CRACD: variants seen among roughly 807,000 people sequenced by gnomAD.
CRACD encodes the protein capping protein-inhibiting regulator of actin dynamics.
A neutral mutation model predicts 106.8 loss-of-function variants in CRACD; 56 were observed. The ratio of observed to expected loss-of-function variants is 0.52; its 90% CI spans 0.42 to 0.66. The LOEUF (loss-of-function observed/expected upper bound fraction) is 0.66, where lower values mean the gene tolerates loss of function less well. Among genes scored for constraint, CRACD ranks in the 30% least tolerant of loss-of-function variants. CRACD has a pLI of 0.00. For missense variants in CRACD, 1,730 were observed against 1,623.2 expected, an observed-to-expected ratio of 1.07 and a Z score of -1.13; for synonymous variants, 754 against 670.8, an observed-to-expected ratio of 1.12 and a Z score of -1.92.
chr4:56,316,598 G>A lies in CRACD; in HGVS notation c.3096G>A (p.Glu1032=), dbSNP rs1182123091. 1.2e-6 allele frequency: 2 copies of A among 1,613,430 alleles called. No individual in the cohort carries two copies. The highest frequency in any genetic ancestry group is 1.7e-6 in the Non-Finnish European group (2 of 1,179,848). Residue 1032 remains glutamate (E), a synonymous_variant, in exon 8 of 11, where the codon GAG becomes GAA. Transcript: ENST00000682029. ...EERKGQKRDE[E]EEATERKPAS... is the part of the protein sequence containing the mutation. Reference sequence around the variant, plus strand: ...GGAAGGGACAGAAGAGGGACGAGGAGGAAGAGGCGACAGAGAGGAAACCTG... The same window carrying A: ...GGAAGGGACAGAAGAGGGACGAGGAAGAAGAGGCGACAGAGAGGAAACCTG...
chr4:56,050,212 G>T (rs961184175), intron 1 of CRACD, among the ~76,000 whole-genome samples: 5 of 151,692 alleles, frequency 3.3e-5, no homozygotes, highest in African/African-American at 1.2e-4. Context: ...ACCATGTGTT[G>T]TGAAATTTTA....
At chr4:56,237,705 G>A (rs1740057278) in intron 2 of CRACD, among the ~76,000 whole-genome samples, 1 of 145,346 alleles carries the variant, frequency 6.9e-6, no homozygotes, top group Non-Finnish European at 1.5e-5. Context: ...AAATTTCTAG[G>A]TTAAAAGATA....
At chr4:56,312,842 C>T (rs945681556) in intron 6 of CRACD, among the ~76,000 whole-genome samples, 1 of 152,138 alleles carries the variant, frequency 6.6e-6, no homozygotes, top group South Asian at 2.1e-4. Flanking sequence ...AGCTGTGGCC[C>T]GGTAAAACTC....
At chr4:56,311,451 G>C (rs1224891670) in intron 6 of CRACD, 2 of 152,182 alleles carry the variant, frequency 1.3e-5, no homozygotes, top group African/African-American at 4.8e-5. Context: ...TCAGCATCAA[G>C]TGCTTATCTA....
At position 56,285,946 on chromosome 4, in the gene CRACD, CA is replaced by C. The variant is rs1743314500; in HGVS notation, c.-16-12267del. Among the ~76,000 whole-genome samples the C allele has an allele frequency of 2.6e-5, 4 of 152,232 alleles. No homozygotes were observed. The East Asian group carries it at 5.8e-4, about 22-fold the overall frequency. ...CCTAAGAGGTAAGAGGTAATCCCTA[CA>C]CTACACAACCTCTGTTTCATAGAGC... On this transcript the variant is annotated intron_variant, in intron 3 of 10. Coordinates refer to ENST00000682029, the MANE Select transcript of CRACD (RefSeq NM_001393381.1).
chr4:56,151,037 T>C (rs10011974), intron 1 of CRACD, among the ~76,000 whole-genome samples: 74,690 of 152,036 alleles, frequency 0.49, 19,052 homozygotes, highest in East Asian at 0.66. Context: ...CGCTCTGTTG[T>C]CCAGGCTGGA....
rs755060508 is a variant in CRACD at position 56,307,638 on chromosome 4, T to C, written c.224T>C (p.Leu75Pro). 4 of 1,614,192 alleles carry C rather than the reference T, an allele frequency of 2.5e-6. No homozygotes were observed. The highest frequency in any genetic ancestry group is 1.1e-5 in the South Asian group (1 of 91,074). Residue 75 changes from leucine (L) to proline (P), a missense_variant, in exon 5 of 11, where the codon CTG becomes CCG. Leu to Pro is a moderately conservative substitution (Grantham distance 98). This residue lies in a region of CRACD where 1,620 missense variants were observed against 1,481.6 expected (regional missense o/e 1.09). Transcript: ENST00000682029. ...GCTAGCTTAGAAGAGGATCTGTTCC[T>C]GACCAGTCCCATGGAAATTGTGACT... ...GEASLEEDLF[L>P]TSPMEIVTQQ... is the part of the protein sequence containing the mutation.
chr4:56,076,587 T>C (rs888040483), intron 1 of CRACD, among the ~76,000 whole-genome samples: 24 of 152,240 alleles, frequency 1.6e-4, no homozygotes, highest in Non-Finnish European at 5.9e-5. Context: ...TCCTATTCTA[T>C]ACCTGCCACT....
intron 2 of CRACD, among the ~76,000 whole-genome samples, chr4:56,221,963 C>T (rs1252525919): frequency 2.0e-5 from 3 of 152,144 alleles, no homozygotes; most frequent in African/African-American, 7.2e-5. Flanking sequence ...AGTACACCCT[C>T]CATAGAAAAC....
chr4:56,231,953 C>T (rs1263552622), intron 2 of CRACD, among the ~76,000 whole-genome samples: 1 of 152,192 alleles, frequency 6.6e-6, no homozygotes, highest in Non-Finnish European at 1.5e-5. Flanking sequence ...ATATGCTATG[C>T]ACCATGAAGA....
Position 56,316,004 on chromosome 4 carries a change from G to C in CRACD, c.2502G>C (p.Val834=), listed in dbSNP as rs1745612536. 6.2e-7 allele frequency: 1 copy of C among 1,614,230 alleles called. No homozygotes were observed. The highest frequency in any genetic ancestry group is 1.3e-5 in the African/African-American group (1 of 75,058). ...ACGGGATAGCAAAGCCAGACCCTGT[G>C]ATGCCAGGTGGAGAGGAAAAAGCCT... ...TANGIAKPDP[V]MPGGEEKASP... The change falls in exon 8 of 11, where the codon GTG becomes GTC. Residue 834 remains valine, a synonymous_variant. Coordinates refer to ENST00000682029, the MANE Select transcript of CRACD (RefSeq NM_001393381.1).
At chr4:56,102,485 C>T (rs1051718600) in intron 1 of CRACD, among the ~76,000 whole-genome samples, 1 of 152,176 alleles carries the variant, frequency 6.6e-6, no homozygotes, top group Non-Finnish European at 1.5e-5. Context: ...AGCCTTGACT[C>T]CCAATCCTCT....
chr4:56,090,491 A>G (rs1264687962), intron 1 of CRACD, among the ~76,000 whole-genome samples: 1 of 152,064 alleles, frequency 6.6e-6, no homozygotes, highest in Admixed American at 6.5e-5. Context: ...TTGACCTCCC[A>G]GGCTCAAGCA....
At chr4:56,216,574 G>C (rs557427651) in intron 2 of CRACD, among the ~76,000 whole-genome samples, 5 of 152,324 alleles carry the variant, frequency 3.3e-5, no homozygotes, top group African/African-American at 9.6e-5. Context: ...TGTGGGGTGT[G>C]TGTGTGTGTG....
intron 1 of CRACD, among the ~76,000 whole-genome samples, chr4:56,162,676 T>C (rs1490005733): frequency 6.6e-6 from 1 of 152,252 alleles, no homozygotes; most frequent in Non-Finnish European, 1.5e-5. Flanking sequence ...ACATAATTAC[T>C]GAAGCCTGCC....
chr4:56,123,364 T>C (rs555361276), intron 1 of CRACD, among the ~76,000 whole-genome samples: 1 of 152,378 alleles, frequency 6.6e-6, no homozygotes. Flanking sequence ...GTGAGTAATC[T>C]CTTCTTGGCT....
intron 2 of CRACD, among the ~76,000 whole-genome samples, chr4:56,244,474 G>A (rs1477574532): frequency 6.6e-6 from 1 of 152,154 alleles, no homozygotes; most frequent in Non-Finnish European, 1.5e-5. Flanking sequence ...TAGAGGTCCA[G>A]GCTACAGATC....
intron 1 of CRACD, among the ~76,000 whole-genome samples, chr4:56,123,565 A>G (rs1377657349): frequency 2.6e-5 from 4 of 152,184 alleles, no homozygotes; most frequent in African/African-American, 9.7e-5. Flanking sequence ...ACTTCAGCAA[A>G]TCAATTTCAG....
chr4:56,303,361 A>G (rs1744482187), intron 4 of CRACD, among the ~76,000 whole-genome samples: 1 of 152,052 alleles, frequency 6.6e-6, no homozygotes, highest in Admixed American at 6.6e-5. Context: ...AAAAAAAAAA[A>G]AAGAAAGAAG....
Sources: gnomAD v4.1 joint callset for allele counts (sites outside exome capture counted in the v4.1 genomes callset) on GRCh38, gnomAD v4.1.1 for gene constraint, gnomAD v4.1.1 regional missense constraint, MANE v1.5 for transcripts, NCBI Gene and HGNC (gene_info 2026-07-23, HGNC 2026-07-21) for gene names.